The following PDE5A variants were observed in gnomAD, a reference collection of about 807,000 sequenced individuals.
PDE5A encodes phosphodiesterase 5A.
PDE5A carries 67 observed loss-of-function variants against 110.2 expected under a neutral mutation model. The observed-to-expected ratio is 0.61, with a 90% CI of 0.50 to 0.75. The LOEUF is 0.75. Among genes scored for constraint, PDE5A ranks in the 30% least tolerant of loss-of-function variants. The pLI is 0.00. For synonymous variants in PDE5A, 328 were observed against 351.2 expected (o/e 0.93, Z 0.74); for missense variants, 862 against 1,045.1 (o/e 0.82, Z 2.42).
At chr4:119,562,004 C>A (rs1467607394) in intron 6 of PDE5A, among the ~76,000 whole-genome samples, 1 of 152,190 alleles carries the variant, frequency 6.6e-6, no homozygotes, top group East Asian at 1.9e-4. Flanking sequence ...AGTGATAGTG[C>A]ACGCTCTCTT....
chr4:119,577,756 A>G (rs1452238844), intron 3 of PDE5A, among the ~76,000 whole-genome samples: 2 of 152,118 alleles, frequency 1.3e-5, no homozygotes, highest in East Asian at 1.9e-4. Flanking sequence ...AACTGAAAGC[A>G]TTCCCTTTGA....
intron 11 of PDE5A, among the ~76,000 whole-genome samples, chr4:119,534,227 G>A (rs929749096): frequency 6.6e-6 from 1 of 152,142 alleles, no homozygotes; most frequent in Non-Finnish European, 1.5e-5. Flanking sequence ...ATGATGCCTT[G>A]GGGCTTCCCA....
chr4:119,528,152 G>A (rs1328346388), intron 11 of PDE5A, among the ~76,000 whole-genome samples: 1 of 151,990 alleles, frequency 6.6e-6, no homozygotes, highest in African/African-American at 2.4e-5. Context: ...AATTGTATCT[G>A]CCACTCAAAC....
chr4:119,598,414 G>A (rs1293445127), intron 2 of PDE5A, among the ~76,000 whole-genome samples: 1 of 152,142 alleles, frequency 6.6e-6, no homozygotes, highest in East Asian at 1.9e-4. Flanking sequence ...TGTACTCAGT[G>A]CAAAGACAAT....
chr4:119,585,981 A>G (rs977555699), intron 3 of PDE5A, among the ~76,000 whole-genome samples: 2 of 152,198 alleles, frequency 1.3e-5, no homozygotes, highest in Non-Finnish European at 1.5e-5. Flanking sequence ...AGCATAAGTC[A>G]TGCAGCCCCT....
At chr4:119,513,472 C>T (rs1358646479) in intron 14 of PDE5A, among the ~76,000 whole-genome samples, 2 of 152,154 alleles carry the variant, frequency 1.3e-5, no homozygotes, top group Non-Finnish European at 2.9e-5. Flanking sequence ...CCCAGTTCTG[C>T]ATTCCTGCTC....
At position 119,607,973 on chromosome 4, in the gene PDE5A, A is replaced by G. The variant is rs192969637; in HGVS notation, c.153-676T>C. Among the ~76,000 whole-genome samples, 54 of 152,348 alleles carry G rather than the reference A, an allele frequency of 3.5e-4. No homozygotes were observed. In the East Asian group the frequency reaches 8.3e-3, roughly 23 times the overall value. Reference sequence around the variant, plus strand: ...CACATTAATTTGATGTTTAAAACACATAACTTGTTCTGAAGTTAAATATTT... The same window carrying G: ...CACATTAATTTGATGTTTAAAACACGTAACTTGTTCTGAAGTTAAATATTT... On this transcript the variant is annotated intron_variant, in intron 1 of 20. Coordinates refer to ENST00000354960, the MANE Select transcript of PDE5A (RefSeq NM_001083.4).
At chr4:119,506,763 C>T (rs1301593911) in intron 16 of PDE5A, among the ~76,000 whole-genome samples, 1 of 151,810 alleles carries the variant, frequency 6.6e-6, no homozygotes, top group Admixed American at 6.6e-5. Context: ...GTCTTAACCT[C>T]AAAATGCTCT....
intron 2 of PDE5A, among the ~76,000 whole-genome samples, chr4:119,601,400 G>A (rs1352226442): frequency 6.6e-6 from 1 of 152,090 alleles, no homozygotes; most frequent in Admixed American, 6.5e-5. Flanking sequence ...GATGTGCTGG[G>A]ATGCTGGCAT....
Position 119,525,567 on chromosome 4 carries a change from G to C in PDE5A, c.1761C>G (p.Asn587Lys), listed in dbSNP as rs201137519. 1.8e-5 allele frequency: 29 copies of C among 1,612,974 alleles called. No individual in the cohort carries two copies. Among genetic ancestry groups the C allele is most frequent in the Non-Finnish European group, 2.4e-5 (28 of 1,179,342 alleles). Residue 587 changes from asparagine to lysine, a missense_variant, in exon 12 of 21, where the codon AAC (asparagine) becomes AAG (lysine). Coordinates refer to ENST00000354960, the MANE Select transcript of PDE5A (RefSeq NM_001083.4). The surrounding 1 kb of genome is among the most constrained non-coding windows in gnomAD (Gnocchi z 4.3). ...TTCCTACCTCATGTTTCATCTGGAA[G>C]TTCTGCACAAGGTTGAGGTCAGTAA... ...RMFTDLNLVQNFQMKHEVLCR... is the reference protein window; with the variant it reads ...RMFTDLNLVQKFQMKHEVLCR...
chr4:119,558,780 A>G (rs1346342862), intron 7 of PDE5A, among the ~76,000 whole-genome samples: 1 of 151,038 alleles, frequency 6.6e-6, no homozygotes, highest in Non-Finnish European at 1.5e-5. Context: ...AGCCGGGCGT[A>G]GTGGCGGGCG....
intron 11 of PDE5A, among the ~76,000 whole-genome samples, chr4:119,537,432 CTGA>C (rs1429780546): frequency 6.6e-6 from 1 of 152,132 alleles, no homozygotes; most frequent in Non-Finnish European, 1.5e-5. Flanking sequence ...CTTCCTACCA[CTGA>C]TGAGATCTCC....
chr4:119,562,659 C>T (rs1161007179), intron 6 of PDE5A, among the ~76,000 whole-genome samples, 174 bp downstream of exon 6: 2 of 152,160 alleles, frequency 1.3e-5, no homozygotes, highest in East Asian at 3.9e-4. Flanking sequence ...CCACCCTCCA[C>T]CCCTACCTGT....
chr4:119,608,989 T>C (rs576573355), intron 1 of PDE5A, among the ~76,000 whole-genome samples: 45 of 151,934 alleles, frequency 3.0e-4, no homozygotes, highest in African/African-American at 1.1e-3. Flanking sequence ...TGAAACCCCG[T>C]CTCTACTAAA....
At chr4:119,529,346 C>A (rs547618467) in intron 11 of PDE5A, among the ~76,000 whole-genome samples, 1 of 152,136 alleles carries the variant, frequency 6.6e-6, no homozygotes, top group Non-Finnish European at 1.5e-5. Context: ...AGCAAGGCTC[C>A]ATTAACATCT....
At chr4:119,554,532 G>T (rs1375105180) in intron 7 of PDE5A, among the ~76,000 whole-genome samples, 1 of 151,974 alleles carries the variant, frequency 6.6e-6, no homozygotes, top group Admixed American at 6.6e-5. Context: ...GTTCCCTTGT[G>T]GTGATGATAA....
chr4:119,525,145 T>C lies in PDE5A; in HGVS notation c.1779+404A>G, dbSNP rs1726265584. Among the ~76,000 whole-genome samples the C allele has an allele frequency of 6.6e-6, 1 of 152,108 alleles. No homozygotes were observed. The highest frequency in any genetic ancestry group is 6.6e-5 in the Admixed American group (1 of 15,246). On this transcript the variant is annotated intron_variant, in intron 12 of 20. Coordinates refer to ENST00000354960, the MANE Select transcript of PDE5A (RefSeq NM_001083.4). This position sits in a 1 kb window ranked among gnomAD's most constrained non-coding sequence, Gnocchi z 4.3. ...TAAAATTCCTGTGACTCACCATTGT[T>C]TTCAGGGTAAAATCCAAATTCATCT... is the stretch of plus-strand genomic sequence containing the variant.
intron 7 of PDE5A, among the ~76,000 whole-genome samples, chr4:119,557,294 G>A (rs1221238635): frequency 6.6e-6 from 1 of 152,124 alleles, no homozygotes; most frequent in Non-Finnish European, 1.5e-5. Context: ...TTAACTCTGG[G>A]TCAGACTTTC....
chr4:119,573,110 T>A (rs1022890124), intron 3 of PDE5A, among the ~76,000 whole-genome samples: 39 of 152,260 alleles, frequency 2.6e-4, no homozygotes, highest in Non-Finnish European at 4.7e-4. Flanking sequence ...ATTCATTTTA[T>A]ATACAATATT....
Sources: gnomAD v4.1 joint callset for allele counts (sites outside exome capture counted in the v4.1 genomes callset) on GRCh38, gnomAD v4.1.1 for gene constraint, Gnocchi (gnomAD v3.1) non-coding constraint, MANE v1.5 for transcripts, NCBI Gene and HGNC (gene_info 2026-07-23, HGNC 2026-07-21) for gene names.